The following HAPLN2 variants were observed in gnomAD, a reference collection of about 807,000 sequenced individuals.
The protein encoded by HAPLN2 is brain link protein-1.
HAPLN2 carries 27 observed loss-of-function variants against 29.3 expected under a neutral mutation model. The observed-to-expected ratio is 0.92, with a 90% CI of 0.68 to 1.27. The LOEUF is 1.27. Ranked by LOEUF, HAPLN2 falls within the 50% of genes most tolerant of loss-of-function variation. The pLI is 0.00. For synonymous variants in HAPLN2, 208 were observed against 211.7 expected (o/e 0.98, Z 0.15); for missense variants, 454 against 484.3 (o/e 0.94, Z 0.59).
At position 156,623,582 on chromosome 1, in the gene HAPLN2, C is replaced by T. The variant is rs1282025118; in HGVS notation, c.85+7C>T. ...AAAGCCCAAGGAGACCCAGGTAAGA[C>T]CCCAGCCCAGGCCAGAATCTGGGGG... On this transcript the variant is annotated splice_region_variant and intron_variant, in intron 3 of 6. Transcript: ENST00000255039. The T allele has an allele frequency of 6.8e-6, 11 of 1,613,954 alleles. No individual in the cohort carries two copies. Among genetic ancestry groups the T allele is most frequent in the Non-Finnish European group, 8.5e-6 (10 of 1,179,970 alleles).
chr1:156,623,045 T>TAAAA, intron 2 of HAPLN2, among the ~76,000 whole-genome samples: 1 of 102,960 alleles, frequency 9.7e-6, no homozygotes, highest in East Asian at 3.2e-4. Context: ...AAAAAATAAA[T>TAAAA]AAATAAATAA....
chr1:156,604,626 A>T, the HAPLN2 span, among the ~76,000 whole-genome samples: 1 of 152,192 alleles, frequency 6.6e-6, no homozygotes, highest in African/African-American at 2.4e-5. Flanking sequence ...CTGTGATATA[A>T]TTGAAATGAA....
chr1:156,616,174 C>T (rs2102518294), upstream of HAPLN2, among the ~76,000 whole-genome samples: 1 of 152,210 alleles, frequency 6.6e-6, no homozygotes, highest in South Asian at 2.1e-4. Flanking sequence ...GGACTCCGTG[C>T]TTGTCTGGAA....
intron 6 of HAPLN2, 126 bp downstream of exon 6, chr1:156,624,909 G>GGCCCCCC: frequency 3.0e-6 from 3 of 999,484 alleles, no homozygotes; most frequent in South Asian, 1.8e-5. Flanking sequence ...CCCCCCATCA[G>GGCCCCCC]CCCGCCCGCC....
chr1:156,604,507 C>T, the HAPLN2 span, among the ~76,000 whole-genome samples: 1 of 152,150 alleles, frequency 6.6e-6, no homozygotes, highest in Non-Finnish European at 1.5e-5. Context: ...CCAGGATGGT[C>T]TCGATCTCTT....
At chr1:156,604,793 A>G in the HAPLN2 span, among the ~76,000 whole-genome samples, 1 of 152,214 alleles carries the variant, frequency 6.6e-6, no homozygotes, top group African/African-American at 2.4e-5. Context: ...GAAAGAAATT[A>G]GGAAGAGCTA....
At chr1:156,611,875 AGTTT>A in the HAPLN2 span, among the ~76,000 whole-genome samples, 1,828 of 152,286 alleles carry the variant, frequency 0.012, 41 homozygotes, top group African/African-American at 0.042. Flanking sequence ...CTTTTTTGTT[AGTTT>A]GTTTTGTGCA....
chr1:156,611,004 A>G, the HAPLN2 span, among the ~76,000 whole-genome samples: 1 of 152,186 alleles, frequency 6.6e-6, no homozygotes, highest in African/African-American at 2.4e-5. Context: ...TTAGGTGGCC[A>G]AACATGGTGG....
the HAPLN2 span, among the ~76,000 whole-genome samples, chr1:156,602,713 A>C: frequency 2.0e-5 from 3 of 150,316 alleles, no homozygotes; most frequent in Non-Finnish European, 4.4e-5. Context: ...AATGCATGCC[A>C]GGCTGAGGAG....
rs1451218777 is a variant in HAPLN2, at chr1:156,625,123, G to A, written c.762G>A (p.Gly254=). ...CAGGCCAAGTGTTCTTCGTGCCCGG[G>A]CGGCTGACGCTGTCTGAAGCCCACG... ...ALAGQVFFVP[G]RLTLSEAHAA... The change falls in exon 7 of 7, where the codon GGG becomes GGA. Residue 254 remains glycine (G), a synonymous_variant. Transcript: ENST00000255039. The surrounding 1 kb of genome is among the most constrained non-coding windows in gnomAD (Gnocchi z 5.7). 4 of 1,539,668 alleles carry A rather than the reference G, an allele frequency of 2.6e-6. No individual in the cohort carries two copies. In the South Asian group the frequency reaches 4.8e-5, roughly 18 times the overall value.
chr1:156,612,845 G>A, the HAPLN2 span, among the ~76,000 whole-genome samples: 1 of 152,130 alleles, frequency 6.6e-6, no homozygotes, highest in African/African-American at 2.4e-5. Context: ...TTCTGCCAGT[G>A]GATTTATTAT....
chr1:156,625,459 C>T lies in HAPLN2; in HGVS notation c.*75C>T. 7.1e-7 allele frequency: 1 copy of T among 1,406,846 alleles called. No homozygotes were observed. The highest frequency in any genetic ancestry group is 1.4e-5 in the South Asian group (1 of 69,958). The allele number at this position is 1,406,846 out of a possible 1,614,324, so 87.1% of individuals were successfully genotyped here. A position where few individuals can be genotyped will look rare whatever the true frequency, so the allele number is the denominator to read the frequency against. On this transcript the variant is annotated 3_prime_UTR_variant, in exon 7 of 7. Transcript: ENST00000255039. This position sits in a 1 kb window ranked among gnomAD's most constrained non-coding sequence, Gnocchi z 5.7. ...GCGGGGGTCTCTCGCCACCCCTTTC[C>T]GGAGAGCCTCCCCTCCCTCCAGACC...
chr1:156,607,447 T>C, the HAPLN2 span, among the ~76,000 whole-genome samples: 2,822 of 151,892 alleles, frequency 0.019, 87 homozygotes, highest in African/African-American at 0.065. Flanking sequence ...GACACTGCAC[T>C]CCAGTCTGGG....
rs781510205 is a variant in HAPLN2, at chr1:156,623,862, T to G, written c.141T>G (p.Ser47=). 1.3e-6 allele frequency: 2 copies of G among 1,559,178 alleles called. No homozygotes were observed. The highest frequency in any genetic ancestry group is 4.5e-5 in the East Asian group (2 of 44,448). ...CCCCCATCCACGAGGTCATTCACTC[T>G]CATCGTGGGGCCACGGCCACGCTGC... The part of the protein sequence containing the change: ...LLPPIHEVIH[S]HRGATATLPC... Residue 47 remains serine, a synonymous_variant, in exon 4 of 7, where the codon TCT becomes TCG. Coordinates refer to ENST00000255039, the MANE Select transcript of HAPLN2 (RefSeq NM_021817.3).
At chr1:156,605,196 G>A in the HAPLN2 span, among the ~76,000 whole-genome samples, 1 of 151,270 alleles carries the variant, frequency 6.6e-6, no homozygotes, top group Admixed American at 6.6e-5. Flanking sequence ...AACCTGGGAA[G>A]TGGAGGTTGC....
rs1553235332 is a variant in HAPLN2 at position 156,623,038 on chromosome 1, A to AAATG, written c.-24-426_-24-425insGAAT. Among the ~76,000 whole-genome samples, 6 of 9,502 alleles carry AAATG rather than the reference A, an allele frequency of 6.3e-4. No homozygotes were observed. The East Asian group carries it at 7.7e-3, about 12-fold the overall frequency. The allele number at this position is 9,502 out of a possible 152,430, so 6.2% of individuals were successfully genotyped here. ...CATGGAGCAACACTCTGTCTCAAAA[A>AAATG]AATAAATAAATAAATAAATAAATAA... On this transcript the variant is annotated intron_variant, in intron 2 of 6. Coordinates refer to ENST00000255039, the MANE Select transcript of HAPLN2 (RefSeq NM_021817.3).
At chr1:156,617,576 T>C (rs932946197), upstream of HAPLN2, among the ~76,000 whole-genome samples, 1 of 151,814 alleles carries the variant, frequency 6.6e-6, no homozygotes, top group East Asian at 1.9e-4. Flanking sequence ...CTCGAACTCC[T>C]GACCTCAGGT....
the HAPLN2 span, among the ~76,000 whole-genome samples, chr1:156,612,421 C>A: frequency 6.6e-6 from 1 of 152,132 alleles, no homozygotes; most frequent in Non-Finnish European, 1.5e-5. Flanking sequence ...AGTGGTCCCA[C>A]TCTGTCTTCC....
At position 156,619,424 on chromosome 1, in the gene HAPLN2, G is replaced by A. The variant is rs1207531506; in HGVS notation, c.-277G>A. ...GAAAGGACAGACAGACAGACAGACAGGGGGTTGTACAGAAGAGGTCCGGTT... is the reference window on the plus strand; with the variant it reads ...GAAAGGACAGACAGACAGACAGACAAGGGGTTGTACAGAAGAGGTCCGGTT... On this transcript the variant is annotated 5_prime_UTR_variant, in exon 1 of 7. Coordinates refer to ENST00000255039, the MANE Select transcript of HAPLN2 (RefSeq NM_021817.3). The A allele has an allele frequency of 6.6e-6, 1 of 152,442 alleles. No homozygotes were observed. The highest frequency in any genetic ancestry group is 1.5e-5 in the Non-Finnish European group (1 of 68,180). 9.4% of individuals were successfully genotyped at this position (152,442 alleles called of 1,614,324 possible).
Sources: allele counts gnomAD v4.1 joint callset (sites outside exome capture counted in the v4.1 genomes callset), GRCh38; gene constraint gnomAD v4.1.1; non-coding constraint Gnocchi (gnomAD v3.1); transcripts MANE v1.5; gene names NCBI Gene and HGNC (gene_info 2026-07-23, HGNC 2026-07-21).